The following ARHGAP8 variants were observed in gnomAD, a reference collection of about 807,000 sequenced individuals.
The protein encoded by ARHGAP8 is rho GTPase-activating protein 8.
ARHGAP8 carries 62 observed loss-of-function variants against 46.1 expected under a neutral mutation model. The observed-to-expected ratio is 1.34, with a 90% CI of 1.10 to 1.66. The LOEUF is 1.66. Among genes scored for constraint, ARHGAP8 ranks in the 40% most tolerant of loss-of-function variants. The probability of loss-of-function intolerance (pLI) is 0.00; values close to 1 mark genes in which losing one functional copy is unlikely to be tolerated. For synonymous variants in ARHGAP8, 375 were observed against 243.1 expected (o/e 1.54, Z -5.05); for missense variants, 923 against 568.4 (o/e 1.62, Z -6.34).
rs143547074 is a variant in ARHGAP8, at chr22:44,859,593, G to C, written c.878-138G>C. On this transcript the variant is annotated intron_variant, in intron 10 of 11. Coordinates refer to ENST00000356099, the MANE Select transcript of ARHGAP8 (RefSeq NM_181335.3). Reference sequence around the variant, plus strand: ...GCAGAGCCATACGGCCAGAAGATAAGTGGGGGTCCCAAGCCCAAATGTGGG... The same window carrying C: ...GCAGAGCCATACGGCCAGAAGATAACTGGGGGTCCCAAGCCCAAATGTGGG... 4.3e-5 allele frequency: 36 copies of C among 841,086 alleles called. No homozygotes were observed. In the Middle Eastern group the frequency reaches 1.6e-3, roughly 38 times the overall value. 52.1% of individuals were successfully genotyped at this position (841,086 alleles called of 1,614,324 possible).
In ARHGAP8 at chr22:44,852,754, G is replaced by C. The variant is rs143057272; in HGVS notation, c.877+3694G>C. On this transcript the variant is annotated intron_variant, in intron 10 of 11. Coordinates refer to ENST00000356099, the MANE Select transcript of ARHGAP8 (RefSeq NM_181335.3). ...TCTTTGTCAACAAACATGAAGTTCA[G>C]TGGTTTGAACAAACCATAAGTTCCG... Among the ~76,000 whole-genome samples, 30 of 152,256 alleles carry C rather than the reference G, an allele frequency of 2.0e-4. No homozygotes were observed. In the East Asian group the frequency reaches 5.8e-3, roughly 29 times the overall value.
chr22:44,825,043 T>C (rs1242549690), intron 6 of ARHGAP8, among the ~76,000 whole-genome samples: 1 of 151,378 alleles, frequency 6.6e-6, no homozygotes, highest in Non-Finnish European at 1.5e-5. Flanking sequence ...ACAAATATTT[T>C]AATTGAGCAT....
intron 1 of ARHGAP8, among the ~76,000 whole-genome samples, chr22:44,764,633 G>C (rs890265324): frequency 1.8e-4 from 28 of 152,144 alleles, no homozygotes; most frequent in African/African-American, 6.8e-4. Flanking sequence ...ACCCTCTCTG[G>C]GCCTCTGTGT....
At chr22:44,787,115 A>T (rs1927316143) in intron 2 of ARHGAP8, among the ~76,000 whole-genome samples, 2 of 152,092 alleles carry the variant, frequency 1.3e-5, no homozygotes, top group Non-Finnish European at 2.9e-5. Context: ...TAAATTACAC[A>T]CTTGTCAAAG....
At chr22:44,779,285 G>C (rs12167561) in intron 1 of ARHGAP8, among the ~76,000 whole-genome samples, 1 of 151,936 alleles carries the variant, frequency 6.6e-6, no homozygotes, top group Non-Finnish European at 1.5e-5. Context: ...ATTTTTAGTA[G>C]AGATGGGGTT....
chr22:44,809,051 G>A (rs754526311), intron 4 of ARHGAP8: 13 of 464,134 alleles, frequency 2.8e-5, no homozygotes, highest in South Asian at 1.9e-4. Flanking sequence ...CGAACTCCAA[G>A]CTCAAGCGAT....
At chr22:44,770,569 C>G (rs759020745) in intron 1 of ARHGAP8, among the ~76,000 whole-genome samples, 1 of 152,050 alleles carries the variant, frequency 6.6e-6, no homozygotes, top group Non-Finnish European at 1.5e-5. Flanking sequence ...CCATGTCTGG[C>G]TAATTTTTGT....
intron 11 of ARHGAP8, among the ~76,000 whole-genome samples, chr22:44,861,799 G>C (rs544210669): frequency 2.4e-4 from 37 of 152,294 alleles, no homozygotes; most frequent in Non-Finnish European, 4.9e-4. Flanking sequence ...GGTTGCACGT[G>C]TTGGCGGAGA....
intron 1 of ARHGAP8, among the ~76,000 whole-genome samples, chr22:44,768,154 G>A (rs1483848670): frequency 2.7e-5 from 4 of 150,014 alleles, no homozygotes; most frequent in East Asian, 2.0e-4. Flanking sequence ...CCACCACCAC[G>A]CCCGGCTAAT....
chr22:44,822,933 C>G (rs1002484643), intron 6 of ARHGAP8, among the ~76,000 whole-genome samples: 1 of 152,170 alleles, frequency 6.6e-6, no homozygotes. Context: ...TAAATGTAGG[C>G]CCAGATGAAT....
rs142806387 is a variant in ARHGAP8 at position 44,848,951 on chromosome 22, C to T, written c.768C>T (p.Asp256=). 2.2e-5 allele frequency: 35 copies of T among 1,614,120 alleles called. No individual in the cohort carries two copies. In the African/African-American group the frequency reaches 2.3e-4, roughly 10 times the overall value. Residue 256 remains aspartate, a synonymous_variant, in exon 10 of 12, where the codon GAC becomes GAT. Coordinates refer to ENST00000356099, the MANE Select transcript of ARHGAP8 (RefSeq NM_181335.3). ...LYNQGKPVNF[D]DYGDIHIPAV... The stretch of plus-strand genomic sequence containing the variant: ...GTGCAGGGAAGCCCGTGAACTTTGA[C>T]GACTACGGGGACATTCACATCCCTG...
chr22:44,850,581 C>T (rs184898150), intron 10 of ARHGAP8: 1 of 152,258 alleles, frequency 6.6e-6, no homozygotes, highest in East Asian at 1.9e-4. Context: ...CTCAATGCTG[C>T]CAGGCGAACT....
chr22:44,759,957 A>G (rs576181995), intron 1 of ARHGAP8, among the ~76,000 whole-genome samples: 1 of 152,294 alleles, frequency 6.6e-6, no homozygotes, highest in Admixed American at 6.5e-5. Flanking sequence ...AGGCTGTGTG[A>G]GGAGCCCTGA....
At position 44,862,386 on chromosome 22, in the gene ARHGAP8, C is replaced by A. The variant is rs763630839; in HGVS notation, c.1093C>A (p.Pro365Thr). The A allele has an allele frequency of 4.2e-5, 67 of 1,614,020 alleles. No individual in the cohort carries two copies. Among genetic ancestry groups the A allele is most frequent in the Non-Finnish European group, 5.5e-5 (65 of 1,180,020 alleles). The change falls in exon 12 of 12, where the codon CCC becomes ACC. Residue 365 changes from proline to threonine, a missense_variant. Physicochemically the swap from Pro to Thr is conservative, Grantham distance 38. Coordinates refer to ENST00000356099, the MANE Select transcript of ARHGAP8 (RefSeq NM_181335.3). ...GGTCTCCTCCCTGAGTGCCCTTGTG[C>A]CCCTGAACATGTTCACTGAACTGCT... ...QGVSSLSALVPLNMFTELLIE... is the reference protein window; with the variant it reads ...QGVSSLSALVTLNMFTELLIE...
At chr22:44,859,945 T>C in intron 11 of ARHGAP8, 111 bp downstream of exon 11, 1 of 1,295,690 alleles carries the variant, frequency 7.7e-7, no homozygotes, top group Non-Finnish European at 1.1e-6. Context: ...ATGCCCTGCT[T>C]GGGCCTCGGA....
chr22:44,764,182 G>A (rs1402380082), intron 1 of ARHGAP8, among the ~76,000 whole-genome samples: 3 of 152,288 alleles, frequency 2.0e-5, no homozygotes, highest in Middle Eastern at 3.4e-3. Flanking sequence ...GTCAGAGTCA[G>A]AGAACCTGGA....
intron 1 of ARHGAP8, among the ~76,000 whole-genome samples, chr22:44,767,982 G>GTTTTT (rs1569134963): frequency 4.3e-5 from 3 of 69,756 alleles, no homozygotes; most frequent in South Asian, 6.4e-4. Context: ...CCCGCATGAT[G>GTTTTT]TCTTTTTTTT....
intron 10 of ARHGAP8, among the ~76,000 whole-genome samples, chr22:44,859,170 G>A (rs1169566352): frequency 6.6e-6 from 1 of 152,196 alleles, no homozygotes; most frequent in African/African-American, 2.4e-5. Context: ...GATGGAGCTT[G>A]TAGAATTCAG....
intron 9 of ARHGAP8, 38 bp downstream of exon 9, chr22:44,848,088 G>A (rs1250431463): frequency 6.2e-7 from 1 of 1,600,760 alleles, no homozygotes; most frequent in Non-Finnish European, 8.5e-7. Flanking sequence ...CGAGCTGCCT[G>A]GTCAGCGAGC....
Sources: gnomAD v4.1 joint callset for allele counts (sites outside exome capture counted in the v4.1 genomes callset) on GRCh38, gnomAD v4.1.1 for gene constraint, MANE v1.5 for transcripts, NCBI Gene and HGNC (gene_info 2026-07-23, HGNC 2026-07-21) for gene names.